Variants in SKI observed in about 807,000 individuals in gnomAD.
SKI encodes SKI proto-oncogene.
In SKI, 23 loss-of-function variants were observed where a neutral mutation model predicts 59.3. That is an observed-to-expected ratio of 0.39 (90% CI 0.28 to 0.55). The LOEUF (loss-of-function observed/expected upper bound fraction) is 0.55, where lower values mean the gene tolerates loss of function less well. Among genes scored for constraint, SKI ranks in the 20% least tolerant of loss-of-function variants. The probability of loss-of-function intolerance (pLI) is 0.67; values close to 1 mark genes in which losing one functional copy is unlikely to be tolerated. For missense variants in SKI, 1,017 were observed against 1,038.9 expected (o/e 0.98, Z 0.29); for synonymous variants, 673 against 488.6 (o/e 1.38, Z -4.98).
At chr1:2,233,142 G>A (rs550839085) in intron 1 of SKI, among the ~76,000 whole-genome samples, 1 of 152,212 alleles carries the variant, frequency 6.6e-6, no homozygotes, top group South Asian at 2.1e-4. Context: ...ATAACAGGGT[G>A]GTGCCGTGCT....
intron 1 of SKI, among the ~76,000 whole-genome samples, chr1:2,299,451 G>A (rs998793526): frequency 1.2e-4 from 18 of 152,322 alleles, no homozygotes; most frequent in African/African-American, 4.3e-4. Context: ...CAGGTGCCTG[G>A]GGACAGAGGC....
rs1040986854 is a variant in SKI at position 2,229,702 on chromosome 1, C to T, written c.936C>T (p.Asp312=). Residue 312 remains aspartate (D), a synonymous_variant, in exon 1 of 7, where the codon GAC becomes GAT. Transcript: ENST00000378536. This position sits in a 1 kb window ranked among gnomAD's most constrained non-coding sequence, Gnocchi z 6.3. ...TGGACGACGTGAAGGAGAAATTCGA[C>T]TATGGCAACAAGTACAAGCGGCGGG... The part of the protein sequence containing the change: ...RCLDDVKEKF[D]YGNKYKRRVP... 7 of 1,592,014 alleles carry T rather than the reference C, an allele frequency of 4.4e-6. No individual in the cohort carries two copies. Among genetic ancestry groups the T allele is most frequent in the African/African-American group, 1.3e-5 (1 of 74,316 alleles).
At position 2,307,739 on chromosome 1, in the gene SKI, C is replaced by T. The variant is rs1344055563; in HGVS notation, c.*974C>T. 7 of 152,532 alleles carry T rather than the reference C, an allele frequency of 4.6e-5. No homozygotes were observed. The highest frequency in any genetic ancestry group is 1.0e-4 in the Non-Finnish European group (7 of 68,032). 9.4% of individuals were successfully genotyped at this position (152,532 alleles called of 1,614,324 possible). A position where few individuals can be genotyped will look rare whatever the true frequency, so the allele number is the denominator to read the frequency against. ...ATTTAAACGTATATTTAGAACTGCA[C>T]TTTGTCCACAACCTTCCCTTCTCTT... On this transcript the variant is annotated 3_prime_UTR_variant, in exon 7 of 7. Transcript: ENST00000378536.
chr1:2,279,863 G>A (rs1300245786), intron 1 of SKI, among the ~76,000 whole-genome samples: 1 of 152,170 alleles, frequency 6.6e-6, no homozygotes, highest in Non-Finnish European at 1.5e-5. Context: ...CTCTTCCTAA[G>A]TTTACACCAG....
chr1:2,288,868 C>G lies in SKI; in HGVS notation c.970-14110C>G, dbSNP rs188600421. ...TCCCCTCTTCCAAAAACTACCCCCT[C>G]CCCCCGCCACGTGTGTGAGGCCTGC... On this transcript the variant is annotated intron_variant, in intron 1 of 6. Coordinates refer to ENST00000378536, the MANE Select transcript of SKI (RefSeq NM_003036.4). Among the ~76,000 whole-genome samples, 1,186 of 152,276 alleles carry G rather than the reference C, an allele frequency of 7.8e-3. 18 individuals are homozygous for G. Among genetic ancestry groups the G allele is most frequent in the African/African-American group, 0.026 (1,087 of 41,552 alleles).
At position 2,306,152 on chromosome 1, in the gene SKI, C is replaced by T. The variant is rs1397996364; in HGVS notation, c.1900C>T (p.Arg634Trp). 1.9e-6 allele frequency: 3 copies of T among 1,593,848 alleles called. No homozygotes were observed. The highest frequency in any genetic ancestry group is 1.7e-6 in the Non-Finnish European group (2 of 1,171,490). The change falls in exon 6 of 7, where the codon CGG (arginine) becomes TGG (tryptophan). Residue 634 changes from arginine (R) to tryptophan (W), a missense_variant. Physicochemically the swap from Arg to Trp is moderately radical, Grantham distance 101 (BLOSUM62 -3). Transcript: ENST00000378536. Reference protein sequence around the residue: ...EKKMKEANESRLRLKRELEQA... With the variant: ...EKKMKEANESWLRLKRELEQA... ...GAAGATGAAAGAGGCCAACGAGTCA[C>T]GGCTGCGCCTGAAGCGGGAGCTGGA...
intron 1 of SKI, among the ~76,000 whole-genome samples, chr1:2,280,231 C>G (rs1208740761): frequency 6.6e-6 from 1 of 151,894 alleles, no homozygotes; most frequent in Non-Finnish European, 1.5e-5. Flanking sequence ...CAAAAATTAG[C>G]CGGCATTGTG....
At chr1:2,279,446 C>T (rs1417681837) in intron 1 of SKI, among the ~76,000 whole-genome samples, 1 of 152,244 alleles carries the variant, frequency 6.6e-6, no homozygotes, top group African/African-American at 2.4e-5. Flanking sequence ...CTCCCGGCCT[C>T]TCGCCTGTTC....
chr1:2,261,700 C>T (rs977509294), intron 1 of SKI, among the ~76,000 whole-genome samples: 1 of 152,282 alleles, frequency 6.6e-6, no homozygotes, highest in African/African-American at 2.4e-5. Flanking sequence ...AGCAGTTTCA[C>T]TTCTTCCTTT....
chr1:2,248,596 C>T (rs1392168156), intron 1 of SKI, among the ~76,000 whole-genome samples: 2 of 152,164 alleles, frequency 1.3e-5, no homozygotes, highest in African/African-American at 2.4e-5. Context: ...GGCGGGGCGG[C>T]GCTCTGCGCT....
chr1:2,256,444 C>T (rs969559539), intron 1 of SKI, among the ~76,000 whole-genome samples: 5 of 152,370 alleles, frequency 3.3e-5, no homozygotes, highest in African/African-American at 7.2e-5. Context: ...CAGCGTTCTT[C>T]TCTGCCCCCT....
At chr1:2,244,426 A>G (rs1195252492) in intron 1 of SKI, among the ~76,000 whole-genome samples, 4 of 152,126 alleles carry the variant, frequency 2.6e-5, no homozygotes, top group Admixed American at 2.6e-4. Context: ...AGAAAAATAC[A>G]AAAATTACCT....
intron 1 of SKI, among the ~76,000 whole-genome samples, chr1:2,243,627 T>C (rs1252837983): frequency 6.6e-6 from 1 of 152,282 alleles, no homozygotes; most frequent in East Asian, 1.9e-4. Context: ...TCAGAGGGCA[T>C]GTCGGTCACG....
intron 1 of SKI, among the ~76,000 whole-genome samples, chr1:2,244,485 C>T (rs1271025693): frequency 6.6e-6 from 1 of 152,092 alleles, no homozygotes; most frequent in Non-Finnish European, 1.5e-5. Context: ...GAGGCTGAGG[C>T]TGGAGAATAG....
chr1:2,306,558 C>A lies in SKI; in HGVS notation c.1999-19C>A. On this transcript the variant is annotated intron_variant, in intron 6 of 6. Transcript: ENST00000378536. ...CAGGGCAGCGAGCAGGCGCCGCTGA[C>A]CACTCGGCTCCCTTTCAGATCGAAG... 6.5e-7 allele frequency: 1 copy of A among 1,539,016 alleles called. No individual in the cohort carries two copies.
At chr1:2,257,534 A>ATG (rs947862988) in intron 1 of SKI, among the ~76,000 whole-genome samples, 2 of 152,132 alleles carry the variant, frequency 1.3e-5, no homozygotes, top group Non-Finnish European at 2.9e-5. Flanking sequence ...CTCCTGCCCT[A>ATG]TGTGTGCTTG....
At chr1:2,263,663 T>G (rs1011080863) in intron 1 of SKI, among the ~76,000 whole-genome samples, 3 of 152,010 alleles carry the variant, frequency 2.0e-5, no homozygotes, top group African/African-American at 7.2e-5. Context: ...TGAGAGGTAT[T>G]TCCTCCTAAG....
At chr1:2,261,765 A>G (rs1310909929) in intron 1 of SKI, among the ~76,000 whole-genome samples, 1 of 152,260 alleles carries the variant, frequency 6.6e-6, no homozygotes, top group Non-Finnish European at 1.5e-5. Context: ...TAGGGCCTCC[A>G]GGGCAGTTTG....
At position 2,229,165 on chromosome 1, in the gene SKI, C is replaced by A; in HGVS notation, c.399C>A (p.Asp133Glu). ...LPQILNSVLR[D>E]FSLQQINAVC... ...AGATTCTCAACTCGGTGCTGCGCGA[C>A]TTCTCGCTGCAGCAGATCAACGCGG... Residue 133 changes from aspartate to glutamate, a missense_variant, in exon 1 of 7, where the codon GAC becomes GAA. Coordinates refer to ENST00000378536, the MANE Select transcript of SKI (RefSeq NM_003036.4). The surrounding 1 kb of genome is among the most constrained non-coding windows in gnomAD (Gnocchi z 6.3). The A allele has an allele frequency of 6.2e-7, 1 of 1,611,974 alleles. No homozygotes were observed.
Sources: allele counts gnomAD v4.1 joint callset (sites outside exome capture counted in the v4.1 genomes callset), GRCh38; gene constraint gnomAD v4.1.1; non-coding constraint Gnocchi (gnomAD v3.1); transcripts MANE v1.5; gene names NCBI Gene and HGNC (gene_info 2026-07-23, HGNC 2026-07-21).